Variants in PPP1R12A observed in about 807,000 individuals in gnomAD.
PPP1R12A encodes myosin binding subunit.
Under a neutral mutation model 139.6 loss-of-function variants are expected in PPP1R12A, and 19 were observed. The observed-to-expected ratio is 0.14, with a 90% CI of 0.09 to 0.20. The LOEUF (loss-of-function observed/expected upper bound fraction) is 0.20, where lower values mean the gene tolerates loss of function less well. Among genes scored for constraint, PPP1R12A ranks in the 10% least tolerant of loss-of-function variants. PPP1R12A has a pLI of 1.00. For synonymous variants in PPP1R12A, 427 were observed against 420.6 expected (o/e 1.02, Z -0.19); for missense variants, 925 against 1,211.5 (o/e 0.76, Z 3.51).
intron 19 of PPP1R12A, among the ~76,000 whole-genome samples, chr12:79,792,201 CTTAT>C (rs1285148566): frequency 6.6e-6 from 1 of 152,034 alleles, no homozygotes; most frequent in Non-Finnish European, 1.5e-5. Context: ...TACATTGCAC[CTTAT>C]TTATTTATCT....
intron 1 of PPP1R12A, among the ~76,000 whole-genome samples, chr12:79,932,899 T>C (rs567542972): frequency 6.6e-6 from 1 of 152,178 alleles, no homozygotes; most frequent in Non-Finnish European, 1.5e-5. Flanking sequence ...ACAATTTGAA[T>C]AAAACATATT....
At chr12:79,800,910 T>A (rs1227781103) in intron 14 of PPP1R12A, among the ~76,000 whole-genome samples, 2 of 151,810 alleles carry the variant, frequency 1.3e-5, no homozygotes, top group African/African-American at 4.8e-5. Context: ...ATTTTTTGTA[T>A]TTTTAGTAGA....
intron 2 of PPP1R12A, among the ~76,000 whole-genome samples, chr12:79,868,026 A>C (rs1882169520): frequency 6.6e-6 from 1 of 152,198 alleles, no homozygotes; most frequent in African/African-American, 2.4e-5. Flanking sequence ...GGACTAATAC[A>C]AAGGGTAACC....
At chr12:79,781,787 A>C in intron 23 of PPP1R12A, 28 bp downstream of exon 23, 1 of 1,382,146 alleles carries the variant, frequency 7.2e-7, no homozygotes, top group Non-Finnish European at 9.7e-7. Context: ...AAAGAAAAAA[A>C]TAATTATTTA....
intron 1 of PPP1R12A, among the ~76,000 whole-genome samples, chr12:79,875,962 G>A (rs1218051618): frequency 6.6e-6 from 1 of 152,148 alleles, no homozygotes; most frequent in Admixed American, 6.5e-5. Context: ...ATTAATGTCA[G>A]ACTGTAACTC....
At chr12:79,931,621 G>A (rs1482107254) in intron 1 of PPP1R12A, among the ~76,000 whole-genome samples, 1 of 152,098 alleles carries the variant, frequency 6.6e-6, no homozygotes. Context: ...TGCTAAAATA[G>A]AGATATAATC....
chr12:79,833,464 C>T (rs1279788773), intron 3 of PPP1R12A, among the ~76,000 whole-genome samples: 1 of 152,144 alleles, frequency 6.6e-6, no homozygotes, highest in Non-Finnish European at 1.5e-5. Flanking sequence ...ATCTGCCTTA[C>T]TCCACAAGTC....
At chr12:79,934,176 A>G (rs1888481910) in intron 1 of PPP1R12A, among the ~76,000 whole-genome samples, 1 of 152,208 alleles carries the variant, frequency 6.6e-6, no homozygotes, top group African/African-American at 2.4e-5. Context: ...CACTCGGCTT[A>G]GGGCTCTAGA....
At chr12:79,799,352 G>T (rs1292207682) in intron 14 of PPP1R12A, among the ~76,000 whole-genome samples, 1 of 152,092 alleles carries the variant, frequency 6.6e-6, no homozygotes, top group Non-Finnish European at 1.5e-5. Flanking sequence ...TTTCATCCAT[G>T]TTGGCCAGGC....
rs1261026193 is a variant in PPP1R12A, at chr12:79,774,907, C to A, written c.*1022G>T. 2 of 149,472 alleles carry A rather than the reference C, an allele frequency of 1.3e-5. No homozygotes were observed. Among genetic ancestry groups the A allele is most frequent in the Non-Finnish European group, 2.9e-5 (2 of 67,938 alleles). The allele number at this position is 149,472 out of a possible 1,614,324, so 9.3% of individuals were successfully genotyped here. A position where few individuals can be genotyped will look rare whatever the true frequency, so the allele number is the denominator to read the frequency against. ...GAAAACTGAAAATAAAAGCACTTTA[C>A]AGTAGGAAACTTTTGTAAAGATAGG... is the stretch of plus-strand genomic sequence containing the variant. On this transcript the variant is annotated 3_prime_UTR_variant, in exon 25 of 25. Transcript: ENST00000450142.
rs1486936118 is a variant in PPP1R12A at position 79,775,860 on chromosome 12, G to GTGAC, written c.*65_*68dup. On this transcript the variant is annotated 3_prime_UTR_variant, in exon 25 of 25. Coordinates refer to ENST00000450142, the MANE Select transcript of PPP1R12A (RefSeq NM_002480.3). ...TCCAAGGATTCTTCCCAGACTTCCA[G>GTGAC]TGACTGCCAATTATGGTCCACTGGG... 2 of 1,081,312 alleles carry GTGAC rather than the reference G, an allele frequency of 1.8e-6. No homozygotes were observed. The highest frequency in any genetic ancestry group is 5.6e-5 in the East Asian group (2 of 36,020). 67.0% of individuals were successfully genotyped at this position (1,081,312 alleles called of 1,614,324 possible).
At chr12:79,808,648 A>C (rs1288101825) in intron 10 of PPP1R12A, 71 bp from the exon 11 acceptor site, 3 of 804,640 alleles carry the variant, frequency 3.7e-6, no homozygotes, top group Non-Finnish European at 6.2e-6. Context: ...AAAAGTATTA[A>C]GAAAAGGTTA....
intron 1 of PPP1R12A, among the ~76,000 whole-genome samples, chr12:79,889,896 C>T (rs1206175219): frequency 1.3e-5 from 2 of 152,126 alleles, no homozygotes. Context: ...GGTGGAAGGG[C>T]AAGCAGCTCC....
chr12:79,883,128 C>G (rs1883796674), intron 1 of PPP1R12A, among the ~76,000 whole-genome samples: 1 of 152,118 alleles, frequency 6.6e-6, no homozygotes, highest in East Asian at 1.9e-4. Flanking sequence ...CAGAGCAAGA[C>G]TCCGTCAAAA....
chr12:79,777,003 GT>G (rs1054618314), intron 24 of PPP1R12A: 2 of 315,570 alleles, frequency 6.3e-6, no homozygotes, highest in African/African-American at 4.5e-5. Context: ...TCTTATCTGT[GT>G]TCAGAATCTT....
At chr12:79,931,756 C>T (rs2136978692) in intron 1 of PPP1R12A, among the ~76,000 whole-genome samples, 1 of 152,158 alleles carries the variant, frequency 6.6e-6, no homozygotes, top group Middle Eastern at 3.4e-3. Context: ...CTATGGTTAA[C>T]TTTGTGCTGT....
At chr12:79,779,064 AGCC>A (rs765730602) in intron 23 of PPP1R12A, 8 of 314,686 alleles carry the variant, frequency 2.5e-5, no homozygotes, top group Non-Finnish European at 5.1e-5. Flanking sequence ...AATGTGTACT[AGCC>A]ATTATTTATC....
chr12:79,920,462 AC>A (rs1887352730), intron 1 of PPP1R12A, among the ~76,000 whole-genome samples: 1 of 152,222 alleles, frequency 6.6e-6, no homozygotes. Context: ...ATACCATCTT[AC>A]TATTACCACC....
At chr12:79,926,963 G>A (rs1197164996) in intron 1 of PPP1R12A, among the ~76,000 whole-genome samples, 2 of 152,178 alleles carry the variant, frequency 1.3e-5, no homozygotes, top group East Asian at 3.9e-4. Context: ...TTGGGAGGCT[G>A]AGGTGGGAGG....
Sources: allele counts gnomAD v4.1 joint callset (sites outside exome capture counted in the v4.1 genomes callset), GRCh38; gene constraint gnomAD v4.1.1; transcripts MANE v1.5; gene names NCBI Gene and HGNC (gene_info 2026-07-23, HGNC 2026-07-21).